The following GNPTAB variants were observed in gnomAD, a reference collection of about 807,000 sequenced individuals.
The protein encoded by GNPTAB is N-acetylglucosamine-1-phosphotransferase subunits alpha/beta.
Under a neutral mutation model 136.6 loss-of-function variants are expected in GNPTAB, and 92 were observed. The ratio of observed to expected loss-of-function variants is 0.67; its 90% CI spans 0.57 to 0.80. The LOEUF is 0.80. Ranked by LOEUF, GNPTAB falls within the 30% of genes least tolerant of loss-of-function variation. The pLI is 0.00. For synonymous variants in GNPTAB, 512 were observed against 535.1 expected (o/e 0.96, Z 0.60); for missense variants, 1,343 against 1,501.8 (o/e 0.89, Z 1.75).
At chr12:101,817,880 T>C (rs770224074) in intron 1 of GNPTAB, among the ~76,000 whole-genome samples, 4 of 152,154 alleles carry the variant, frequency 2.6e-5, no homozygotes, top group Non-Finnish European at 1.5e-5. Flanking sequence ...TTGCCCGTTT[T>C]CCCCCACCTG....
At chr12:101,786,992 C>A (rs1482723268) in intron 4 of GNPTAB, among the ~76,000 whole-genome samples, 1 of 152,112 alleles carries the variant, frequency 6.6e-6, no homozygotes, top group African/African-American at 2.4e-5. Flanking sequence ...CAAACGACAC[C>A]AAATCTTTTG....
At chr12:101,788,523 C>T in intron 4 of GNPTAB, 25 bp downstream of exon 4, 1 of 1,383,984 alleles carries the variant, frequency 7.2e-7, no homozygotes, top group Non-Finnish European at 1.0e-6. Flanking sequence ...ACTTTTTACT[C>T]TTGAGAGGAA....
intron 7 of GNPTAB, among the ~76,000 whole-genome samples, chr12:101,777,129 C>G (rs1326096396): frequency 6.6e-6 from 1 of 152,248 alleles, no homozygotes; most frequent in Non-Finnish European, 1.5e-5. Context: ...TCTTCCTCCT[C>G]CTGAATAGCT....
At chr12:101,801,373 CTCT>C (rs1450472747) in intron 1 of GNPTAB, among the ~76,000 whole-genome samples, 2 of 150,782 alleles carry the variant, frequency 1.3e-5, no homozygotes, top group Non-Finnish European at 3.0e-5. Context: ...AAAACCCTGT[CTCT>C]ACAACTCCAA....
chr12:101,762,114 T>C (rs1409245712), intron 13 of GNPTAB, among the ~76,000 whole-genome samples: 2 of 152,238 alleles, frequency 1.3e-5, no homozygotes, highest in Non-Finnish European at 2.9e-5. Context: ...ATACATTTGA[T>C]AGTACTTTCA....
chr12:101,749,860 G>T (rs1379443213), intron 19 of GNPTAB, among the ~76,000 whole-genome samples: 1 of 152,184 alleles, frequency 6.6e-6, no homozygotes, highest in East Asian at 1.9e-4. Flanking sequence ...AAGGCGAGAG[G>T]GTATGAACTG....
intron 1 of GNPTAB, among the ~76,000 whole-genome samples, chr12:101,807,753 A>G (rs567521742): frequency 3.9e-5 from 6 of 152,284 alleles, no homozygotes; most frequent in African/African-American, 1.2e-4. Context: ...AACACGGTGA[A>G]ACTCCACCTC....
At chr12:101,821,418 TC>T (rs1458657633) in intron 1 of GNPTAB, among the ~76,000 whole-genome samples, 1 of 152,190 alleles carries the variant, frequency 6.6e-6, no homozygotes, top group Non-Finnish European at 1.5e-5. Flanking sequence ...AAGTTTCATC[TC>T]CCAGGCAAGC....
intron 1 of GNPTAB, among the ~76,000 whole-genome samples, chr12:101,824,437 C>A (rs10860795): frequency 4.0e-3 from 188 of 46,828 alleles, no homozygotes; most frequent in East Asian, 8.8e-3. Flanking sequence ...TATATATTTT[C>A]TTTTTTTTTT....
rs375112988 is a variant in GNPTAB at position 101,771,029 on chromosome 12, T to C, written c.900A>G (p.Ala300=). The change falls in exon 8 of 21, where the codon GCA becomes GCG. Residue 300 remains alanine (A), a synonymous_variant. Coordinates refer to ENST00000299314, the MANE Select transcript of GNPTAB (RefSeq NM_024312.5). Reference sequence around the variant, plus strand: ...TGGCGCTCAGATCCCATAATAAATATGCAGGACTTATGGTCAGTTCTTTTC... The same window carrying C: ...TGGCGCTCAGATCCCATAATAAATACGCAGGACTTATGGTCAGTTCTTTTC... ...IDGKELTISP[A]YLLWDLSAIS... The C allele has an allele frequency of 1.2e-6, 2 of 1,614,018 alleles. No individual in the cohort carries two copies. The highest frequency in any genetic ancestry group is 1.7e-6 in the Non-Finnish European group (2 of 1,179,986).
At chr12:101,826,950 GTTTTTTTTTTTTT>G (rs902178707) in intron 1 of GNPTAB, among the ~76,000 whole-genome samples, 4 of 62,350 alleles carry the variant, frequency 6.4e-5, no homozygotes, top group East Asian at 4.8e-4. Flanking sequence ...TGTGGGAGTT[GTTTTTTTTTTTTT>G]TTTTTTTTTT....
chr12:101,796,237 G>A, intron 2 of GNPTAB: 1 of 702,456 alleles, frequency 1.4e-6, no homozygotes, highest in Non-Finnish European at 2.6e-6. Context: ...CCTACAGGGG[G>A]ATGAAATTCC....
At chr12:101,765,919 C>A in intron 12 of GNPTAB, 172 bp downstream of exon 12, 1 of 642,488 alleles carries the variant, frequency 1.6e-6, no homozygotes, top group Non-Finnish European at 2.8e-6. Context: ...AGGAAAAGAT[C>A]CTCTTCAGTG....
intron 7 of GNPTAB, chr12:101,773,715 T>C (rs994482860): frequency 7.4e-5 from 11 of 148,562 alleles, no homozygotes; most frequent in African/African-American, 2.9e-4. Flanking sequence ...ATGAGAAAGA[T>C]TTTCTGCCAC....
chr12:101,796,569 CA>C, intron 2 of GNPTAB, 107 bp downstream of exon 2: 1 of 775,360 alleles, frequency 1.3e-6, no homozygotes, highest in South Asian at 1.4e-5. Flanking sequence ...TAAATTAAAC[CA>C]TATCTATAAC....
At position 101,759,223 on chromosome 12, in the gene GNPTAB, C is replaced by T. The variant is rs368052064; in HGVS notation, c.3249+807G>A. On this transcript the variant is annotated intron_variant, in intron 16 of 20. Coordinates refer to ENST00000299314, the MANE Select transcript of GNPTAB (RefSeq NM_024312.5). Reference sequence around the variant, plus strand: ...CTAAAAATACAAAAAATTAGCCGGGCGTGGTGGCGGGCGCCTGTAGTCCCA... The same window carrying T: ...CTAAAAATACAAAAAATTAGCCGGGTGTGGTGGCGGGCGCCTGTAGTCCCA... 3.7e-3 allele frequency among the ~76,000 whole-genome samples: 561 copies of T among 151,924 alleles called. 8 individuals are homozygous for T. The highest frequency in any genetic ancestry group is 8.1e-3 in the African/African-American group (334 of 41,474).
intron 13 of GNPTAB, among the ~76,000 whole-genome samples, chr12:101,762,024 A>G (rs892522971): frequency 6.6e-6 from 1 of 152,194 alleles, no homozygotes. Flanking sequence ...TCACATATGG[A>G]GGGTATTCTT....
At position 101,764,795 on chromosome 12, in the gene GNPTAB, G is replaced by C; in HGVS notation, c.2122C>G (p.Gln708Glu). Residue 708 changes from glutamine (Q) to glutamate (E), a missense_variant, in exon 13 of 21, where the codon CAG (glutamine) becomes GAG (glutamate). Physicochemically the swap from Gln to Glu is conservative, Grantham distance 29 (BLOSUM62 2). Transcript: ENST00000299314. ...AAATCCAAGGTATTGAGACTCAACT[G>C]GGCGTCTTTTGGAAGGAGTGAAATA... ...VNISLLPKDA[Q>E]LSLNTLDLQL... 12 of 1,614,170 alleles carry C rather than the reference G, an allele frequency of 7.4e-6. No individual in the cohort carries two copies. The highest frequency in any genetic ancestry group is 1.0e-5 in the Non-Finnish European group (12 of 1,180,026).
chr12:101,778,966 C>CA (rs1257229297), intron 7 of GNPTAB: 1 of 150,580 alleles, frequency 6.6e-6, no homozygotes. Flanking sequence ...TGGTTATTCA[C>CA]ATTACCATTG....
Sources: gnomAD v4.1 joint callset for allele counts (sites outside exome capture counted in the v4.1 genomes callset) on GRCh38, gnomAD v4.1.1 for gene constraint, MANE v1.5 for transcripts, NCBI Gene and HGNC (gene_info 2026-07-23, HGNC 2026-07-21) for gene names.